SULF2: variants seen among roughly 807,000 people sequenced by gnomAD.
SULF2 encodes the protein extracellular sulfatase Sulf-2.
Under a neutral mutation model 107.7 loss-of-function variants are expected in SULF2, and 52 were observed. The observed-to-expected ratio is 0.48, with a 90% CI of 0.39 to 0.61. The LOEUF is 0.61. Ranked by LOEUF, SULF2 falls within the 20% of genes least tolerant of loss-of-function variation. The pLI is 0.00. For missense variants in SULF2, 993 were observed against 1,177.3 expected, an observed-to-expected ratio of 0.84 and a Z score of 2.29; for synonymous variants, 460 against 464.3, an observed-to-expected ratio of 0.99 and a Z score of 0.12.
chr20:47,763,809 C>G (rs143572214), intron 1 of SULF2, among the ~76,000 whole-genome samples: 10 of 152,184 alleles, frequency 6.6e-5, no homozygotes, highest in Admixed American at 5.9e-4. Context: ...GCTTCTACCT[C>G]GTCCCTTCCA....
chr20:47,718,507 A>G (rs6018658), intron 3 of SULF2, among the ~76,000 whole-genome samples: 142,393 of 152,202 alleles, frequency 0.94, 66,826 homozygotes, highest in Middle Eastern at 0.99. Flanking sequence ...TCCTAGAATT[A>G]AGGCCAGTCC....
At chr20:47,690,399 A>C in intron 4 of SULF2, 104 bp from the exon 5 acceptor site, 1 of 902,902 alleles carries the variant, frequency 1.1e-6, no homozygotes, top group Non-Finnish European at 1.5e-6. Context: ...CACAATAGTG[A>C]ACAAAACAAT....
chr20:47,782,861 T>C lies in SULF2; in HGVS notation c.-101+2482A>G, dbSNP rs551948828. 5.9e-5 allele frequency among the ~76,000 whole-genome samples: 9 copies of C among 152,336 alleles called. No homozygotes were observed. In the East Asian group the frequency reaches 1.7e-3, roughly 29 times the overall value. On this transcript the variant is annotated intron_variant, in intron 1 of 20. Transcript: ENST00000688720. Reference sequence around the variant, plus strand: ...GGGTTTATGGAAAGTTAAGGGCCTTTTACTTTGCAAAGTTTGACTGTCTGA... The same window carrying C: ...GGGTTTATGGAAAGTTAAGGGCCTTCTACTTTGCAAAGTTTGACTGTCTGA...
chr20:47,686,465 G>A (rs944376179), intron 5 of SULF2, among the ~76,000 whole-genome samples: 2 of 152,224 alleles, frequency 1.3e-5, no homozygotes, highest in East Asian at 3.8e-4. Flanking sequence ...CTCGCCCTGG[G>A]CCTGATGGTT....
chr20:47,737,864 G>C (rs538445137), intron 2 of SULF2, among the ~76,000 whole-genome samples: 13 of 137,504 alleles, frequency 9.5e-5, no homozygotes, highest in Non-Finnish European at 1.8e-4. Flanking sequence ...CCGGGTTCAA[G>C]CGATTCCCCT....
intron 2 of SULF2, among the ~76,000 whole-genome samples, chr20:47,746,058 C>T (rs1413636971): frequency 6.6e-6 from 1 of 152,186 alleles, no homozygotes; most frequent in Non-Finnish European, 1.5e-5. Context: ...GTGGGCTGGA[C>T]CTGAGTAGCG....
intron 4 of SULF2, among the ~76,000 whole-genome samples, chr20:47,691,500 G>A (rs1224704142): frequency 2.6e-5 from 4 of 152,164 alleles, no homozygotes; most frequent in African/African-American, 9.7e-5. Context: ...CCTGCGGTTT[G>A]GCCCAGGTAT....
At chr20:47,704,478 GC>G (rs900771056) in intron 3 of SULF2, among the ~76,000 whole-genome samples, 7 of 152,130 alleles carry the variant, frequency 4.6e-5, no homozygotes, top group African/African-American at 1.7e-4. Context: ...TCGCCATGCT[GC>G]ACAGGCTGTT....
At position 47,661,851 on chromosome 20, in the gene SULF2, G is replaced by A. The variant is rs779077146; in HGVS notation, c.2416C>T (p.Leu806=). ...CTCAGCTCCATGAGCTGTACGTGTA[G>A]CTGGTTGAGGACATCCCTGTCCAGT... ...NTLDRDVLNQ[L]HVQLMELRSC... The change falls in exon 18 of 21, where the codon CTA becomes TTA. Residue 806 remains leucine (L), a synonymous_variant. Transcript: ENST00000688720. 30 of 1,595,226 alleles carry A rather than the reference G, an allele frequency of 1.9e-5. No homozygotes were observed. The highest frequency in any genetic ancestry group is 1.6e-5 in the Non-Finnish European group (19 of 1,167,388).
chr20:47,676,402 C>T, intron 10 of SULF2, 92 bp downstream of exon 10: 2 of 1,455,936 alleles, frequency 1.4e-6, no homozygotes, highest in Non-Finnish European at 1.8e-6. Flanking sequence ...GAGGCCCTGG[C>T]CCTGCTGGCT....
At chr20:47,682,540 G>C (rs2087859573) in intron 7 of SULF2, among the ~76,000 whole-genome samples, 1 of 152,202 alleles carries the variant, frequency 6.6e-6, no homozygotes. Flanking sequence ...TGGTCCTCCA[G>C]GAAGGATGGG....
At chr20:47,658,607 A>G (rs773336699) in intron 20 of SULF2, among the ~76,000 whole-genome samples, 2 of 152,216 alleles carry the variant, frequency 1.3e-5, no homozygotes, top group Non-Finnish European at 2.9e-5. Context: ...AAGGATCTGG[A>G]CAGAATAGTG....
intron 4 of SULF2, among the ~76,000 whole-genome samples, chr20:47,697,310 C>T (rs2088412815): frequency 6.6e-6 from 1 of 152,204 alleles, no homozygotes; most frequent in South Asian, 2.1e-4. Flanking sequence ...GGCATGTGCC[C>T]ATCTGTGGAT....
At position 47,677,104 on chromosome 20, in the gene SULF2, C is replaced by T; in HGVS notation, c.1224G>A (p.Trp408Ter). The T allele has an allele frequency of 6.2e-7, 1 of 1,613,822 alleles. No individual in the cohort carries two copies. The highest frequency in any genetic ancestry group is 8.5e-7 in the Non-Finnish European group (1 of 1,179,992). The change falls in exon 9 of 21, where the codon TGG becomes TGA. Residue 408 changes from tryptophan (W) to a stop codon, truncating the protein, a stop_gained. Coordinates refer to ENST00000688720, the MANE Select transcript of SULF2 (RefSeq NM_001387048.1). LOFTEE classifies it high-confidence loss of function. ...CTCTCTCCACCAAGAAGGAGTCCCGCCAGACCCTCATCTTCTTTTTCAAGT... is the reference window on the plus strand; with the variant it reads ...CTCTCTCCACCAAGAAGGAGTCCCGTCAGACCCTCATCTTCTTTTTCAAGT... ...RFHLKKKMRVWRDSFLVERGK... is the reference protein window; with the variant it reads ...RFHLKKKMRV
chr20:47,716,650 A>G (rs2089131496), intron 3 of SULF2, among the ~76,000 whole-genome samples: 1 of 152,222 alleles, frequency 6.6e-6, no homozygotes, highest in South Asian at 2.1e-4. Flanking sequence ...TTTGGCATTC[A>G]ATCTGCTGAG....
At chr20:47,715,444 G>A (rs1403416962) in intron 3 of SULF2, among the ~76,000 whole-genome samples, 1 of 152,130 alleles carries the variant, frequency 6.6e-6, no homozygotes, top group Non-Finnish European at 1.5e-5. Context: ...TGTCCCCTGT[G>A]TCCTCACATC....
chr20:47,774,261 C>T (rs960595833), intron 1 of SULF2, among the ~76,000 whole-genome samples: 1 of 152,198 alleles, frequency 6.6e-6, no homozygotes, highest in African/African-American at 2.4e-5. Flanking sequence ...AGAGGCTCTG[C>T]GAGCTGAGAT....
intron 6 of SULF2, 40 bp downstream of exon 6, chr20:47,684,391 C>A: frequency 6.4e-7 from 1 of 1,558,746 alleles, no homozygotes; most frequent in Non-Finnish European, 8.7e-7. Context: ...GCTGGGGGTT[C>A]GGAGCCACGC....
chr20:47,675,442 G>C (rs1233305951), intron 10 of SULF2, among the ~76,000 whole-genome samples: 1 of 152,162 alleles, frequency 6.6e-6, no homozygotes, highest in Non-Finnish European at 1.5e-5. Flanking sequence ...GACTAAGAGG[G>C]GTCTGTGGGT....
Sources: allele counts gnomAD v4.1 joint callset (sites outside exome capture counted in the v4.1 genomes callset), GRCh38; gene constraint gnomAD v4.1.1; transcripts MANE v1.5; gene names NCBI Gene and HGNC (gene_info 2026-07-23, HGNC 2026-07-21).